IMPDH1: variants seen among roughly 807,000 people sequenced by gnomAD.
IMPDH1 encodes inosine monophosphate dehydrogenase 1.
A neutral mutation model predicts 73.5 loss-of-function variants in IMPDH1; 41 were observed. The observed-to-expected ratio is 0.56, with a 90% CI of 0.43 to 0.72. IMPDH1 has a LOEUF of 0.72. IMPDH1 is among the 30% of genes least tolerant of loss of function. IMPDH1 has a pLI of 0.00. For missense variants in IMPDH1, 645 were observed against 824.8 expected (o/e 0.78, Z 2.67); for synonymous variants, 318 against 334.3 (o/e 0.95, Z 0.53).
At chr7:128,408,862 C>G (rs1474227967) in intron 3 of IMPDH1, among the ~76,000 whole-genome samples, 1 of 152,152 alleles carries the variant, frequency 6.6e-6, no homozygotes, top group Non-Finnish European at 1.5e-5. Flanking sequence ...GACAGGGGGG[C>G]CTAACTCAGC....
rs1797765235 is a variant in IMPDH1 at position 128,394,473 on chromosome 7, G to T, written c.1677C>A (p.Arg559=). The change falls in exon 15 of 17, where the codon CGC becomes CGA. Residue 559 remains arginine, a synonymous_variant. Transcript: ENST00000338791. The surrounding 1 kb of genome is among the most constrained non-coding windows in gnomAD (Gnocchi z 5.5). Reference sequence around the variant, plus strand: ...GCACTCACCGAAGGACAGACAGGCTGCGGGCCCCGATATCCTGGCAGCCGT... The same window carrying T: ...GCACTCACCGAAGGACAGACAGGCTTCGGGCCCCGATATCCTGGCAGCCGT... ...IQHGCQDIGA[R]SLSVLRSMMY... 2.5e-6 allele frequency: 4 copies of T among 1,614,088 alleles called. No homozygotes were observed. Among genetic ancestry groups the T allele is most frequent in the African/African-American group, 1.3e-5 (1 of 75,056 alleles).
rs538853489 is a variant in IMPDH1 at position 128,398,858 on chromosome 7, G to A, written c.875-245C>T. 7.9e-5 allele frequency among the ~76,000 whole-genome samples: 12 copies of A among 152,280 alleles called. No individual in the cohort carries two copies. Among genetic ancestry groups the A allele is most frequent in the South Asian group, 6.2e-4 (3 of 4,828 alleles). Reference sequence around the variant, plus strand: ...TGGGGGTCTGTGGATGGGCATCCCCGTGGCCTGGGATGGGCAGCCCGAGCA... The same window carrying A: ...TGGGGGTCTGTGGATGGGCATCCCCATGGCCTGGGATGGGCAGCCCGAGCA... On this transcript the variant is annotated intron_variant, in intron 9 of 16. Transcript: ENST00000338791. This position sits in a 1 kb window ranked among gnomAD's most constrained non-coding sequence, Gnocchi z 4.3.
In IMPDH1 at chr7:128,396,878, G is replaced by T. The variant is rs892765704; in HGVS notation, c.1165+54C>A. On this transcript the variant is annotated intron_variant, in intron 11 of 16. Coordinates refer to ENST00000338791, the MANE Select transcript of IMPDH1 (RefSeq NM_000883.4). This position sits in a 1 kb window ranked among gnomAD's most constrained non-coding sequence, Gnocchi z 4.0. ...CTAGGGATGCTGAAGGACAGAAAAG[G>T]GTTACTCATTGGAGGGGCAGGAGCA... The T allele has an allele frequency of 1.3e-5, 17 of 1,338,106 alleles. No homozygotes were observed. The highest frequency in any genetic ancestry group is 7.2e-5 in the African/African-American group (5 of 69,410). 82.9% of individuals were successfully genotyped at this position (1,338,106 alleles called of 1,614,324 possible).
rs1797924950 is a variant in IMPDH1 at position 128,396,528 on chromosome 7, C to CT, written c.1261+71dup. 2 of 1,165,552 alleles carry CT rather than the reference C, an allele frequency of 1.7e-6. No individual in the cohort carries two copies. Among genetic ancestry groups the CT allele is most frequent in the East Asian group, 2.6e-5 (1 of 39,148 alleles). The allele number at this position is 1,165,552 out of a possible 1,614,324, so 72.2% of individuals were successfully genotyped here. A position where few individuals can be genotyped will look rare whatever the true frequency, so the allele number is the denominator to read the frequency against. The stretch of plus-strand genomic sequence containing the variant: ...AGAACAGGGCCTGGCAGAGAGAGTA[C>CT]TTGATATACATCTGGGGAACAAAGG... On this transcript the variant is annotated intron_variant, in intron 12 of 16. Transcript: ENST00000338791. This position sits in a 1 kb window ranked among gnomAD's most constrained non-coding sequence, Gnocchi z 4.0.
Position 128,400,513 on chromosome 7 carries a change from G to A in IMPDH1, c.606C>T (p.Asp202=), listed in dbSNP as rs1289277904. The part of the protein sequence containing the change: ...VKKFEQGFIT[D]PVVLSPSHTV... ...TGTGCGAGGGGCTCAGCACCACAGG[G>A]TCCGTGATGAAGCCCTGTTCAAACT... is the stretch of plus-strand genomic sequence containing the variant. Residue 202 remains aspartate, a synonymous_variant, in exon 8 of 17, where the codon GAC becomes GAT. Transcript: ENST00000338791. The A allele has an allele frequency of 6.2e-7, 1 of 1,612,900 alleles. No individual in the cohort carries two copies. The highest frequency in any genetic ancestry group is 1.3e-5 in the African/African-American group (1 of 75,052).
intron 5 of IMPDH1, among the ~76,000 whole-genome samples, chr7:128,401,739 G>A (rs1798352755): frequency 1.3e-5 from 2 of 152,180 alleles, no homozygotes; most frequent in South Asian, 2.1e-4. Flanking sequence ...GTGGGGGTAG[G>A]CATGGAAAAG....
At position 128,395,417 on chromosome 7, in the gene IMPDH1, C is replaced by T. The variant is rs551578165; in HGVS notation, c.1262-143G>A. Reference sequence around the variant, plus strand: ...GCTGGATGGTGTGTCTGAGGCATAACATAGGTGCTGGCAAATACCACCAGG... The same window carrying T: ...GCTGGATGGTGTGTCTGAGGCATAATATAGGTGCTGGCAAATACCACCAGG... On this transcript the variant is annotated intron_variant, in intron 12 of 16. Transcript: ENST00000338791. The T allele has an allele frequency of 8.8e-5, 87 of 987,394 alleles. No homozygotes were observed. The South Asian group carries it at 1.2e-3, about 14-fold the overall frequency. 61.2% of individuals were successfully genotyped at this position (987,394 alleles called of 1,614,324 possible). A position where few individuals can be genotyped will look rare whatever the true frequency, so the allele number is the denominator to read the frequency against.
chr7:128,401,057 G>A lies in IMPDH1; in HGVS notation c.462C>T (p.Pro154=), dbSNP rs761151140. Residue 154 remains proline, a synonymous_variant, in exon 6 of 17, where the codon CCC becomes CCT. Transcript: ENST00000338791. ...TGTCAGCCTCTGTCACAGTGTCCAT[G>A]GGGGAGGAGATCAGTGGCGTCTTCA... ...ITLKTPLISS[P]MDTVTEADMA... The A allele has an allele frequency of 1.2e-6, 2 of 1,614,116 alleles. No homozygotes were observed. Among genetic ancestry groups the A allele is most frequent in the Admixed American group, 1.7e-5 (1 of 60,024 alleles).
chr7:128,392,964 C>T lies in IMPDH1; in HGVS notation c.*43G>A, dbSNP rs1206603121. 6.2e-7 allele frequency: 1 copy of T among 1,608,240 alleles called. No homozygotes were observed. The highest frequency in any genetic ancestry group is 1.1e-5 in the South Asian group (1 of 90,968). ...GGGAGGCTGTGCCCAAAAGTGGACA[C>T]TGGGGTGCATCCCCTCCACCACCTC... On this transcript the variant is annotated 3_prime_UTR_variant, in exon 17 of 17. Coordinates refer to ENST00000338791, the MANE Select transcript of IMPDH1 (RefSeq NM_000883.4).
chr7:128,400,300 C>T, intron 8 of IMPDH1, 33 bp downstream of exon 8: 1 of 1,609,950 alleles, frequency 6.2e-7, no homozygotes. Context: ...GTCCTCTCTA[C>T]ACCCAGCCCT....
Position 128,392,784 on chromosome 7 carries a change from G to T in IMPDH1, c.*223C>A, listed in dbSNP as rs543042380. 6.4e-5 allele frequency: 36 copies of T among 561,468 alleles called. No homozygotes were observed. Among genetic ancestry groups the T allele is most frequent in the Non-Finnish European group, 8.0e-5 (25 of 313,520 alleles). 34.8% of individuals were successfully genotyped at this position (561,468 alleles called of 1,614,324 possible). On this transcript the variant is annotated 3_prime_UTR_variant, in exon 17 of 17. Coordinates refer to ENST00000338791, the MANE Select transcript of IMPDH1 (RefSeq NM_000883.4). ...AGAGCCTGGCTGGCTGGGCTCGGAG[G>T]GGGGCTCCCAGGGCAGCCTGGCCCC...
rs371548060 is a variant in IMPDH1, at chr7:128,400,158, C to A, written c.811G>T (p.Val271Leu). The change falls in exon 9 of 17, where the codon GTG becomes TTG. Residue 271 changes from valine (V) to leucine (L), a missense_variant. Val to Leu is a conservative substitution (Grantham distance 32). This residue lies in a region of IMPDH1 where 459 missense variants were observed against 638.2 expected (regional missense o/e 0.72). Coordinates refer to ENST00000338791, the MANE Select transcript of IMPDH1 (RefSeq NM_000883.4). ...SEVMTPRIEL[V>L]VAPAGVTLKE... is the part of the protein sequence containing the mutation. ...AACGTCACACCTGCTGGAGCCACCA[C>A]CAGTTCAATCCTTGGCGTCATCACC... 1.9e-6 allele frequency: 3 copies of A among 1,614,012 alleles called. No homozygotes were observed. In the South Asian group the frequency reaches 3.3e-5, roughly 18 times the overall value.
At chr7:128,397,762 G>C (rs1006006612) in intron 10 of IMPDH1, among the ~76,000 whole-genome samples, 3 of 151,960 alleles carry the variant, frequency 2.0e-5, no homozygotes, top group African/African-American at 7.3e-5. Context: ...GATTCAGTGG[G>C]TACATGTGCT....
chr7:128,408,466 G>T (rs1033683303), intron 3 of IMPDH1, among the ~76,000 whole-genome samples: 1 of 152,044 alleles, frequency 6.6e-6, no homozygotes, highest in Admixed American at 6.6e-5. Context: ...ACAGCTCCAG[G>T]TTGGCGAAGG....
In IMPDH1 at chr7:128,395,229, G is replaced by A. The variant is rs774978402; in HGVS notation, c.1307C>T (p.Ala436Val). 6.2e-7 allele frequency: 1 copy of A among 1,613,832 alleles called. No homozygotes were observed. Among genetic ancestry groups the A allele is most frequent in the Non-Finnish European group, 8.5e-7 (1 of 1,180,036 alleles). The part of the protein sequence containing the change: ...RPQGTAVYKV[A>V]EYARRFGVPI... ...CACACCAAAGCGCCGGGCATACTCA[G>A]CCACCTTGTACACAGCAGTGCCCTG... is the stretch of plus-strand genomic sequence containing the variant. Residue 436 changes from alanine to valine, a missense_variant, in exon 13 of 17, where the codon GCT becomes GTT. Ala to Val is a moderately conservative substitution (Grantham distance 64, BLOSUM62 0). Around this residue, in one of 2 missense-constraint regions of IMPDH1, gnomAD observed 459 missense variants for 638.2 expected, o/e 0.72. Transcript: ENST00000338791.
intron 3 of IMPDH1, among the ~76,000 whole-genome samples, chr7:128,407,379 G>A (rs987342697): frequency 1.5e-4 from 23 of 152,192 alleles, no homozygotes; most frequent in Non-Finnish European, 1.9e-4. Flanking sequence ...CAGAGGGGAG[G>A]CTGGGGCCGG....
Position 128,396,990 on chromosome 7 carries a change from G to A in IMPDH1, c.1107C>T (p.Ile369=), listed in dbSNP as rs200729507. ...DSSQGNSVYQ[I]AMVHYIKQKY... ...TCTGTTTGATGTAATGCACCATGGC[G>A]ATCTGATACACCGAATTCCCTTGGG... is the stretch of plus-strand genomic sequence containing the variant. Residue 369 remains isoleucine (I), a synonymous_variant, in exon 11 of 17, where the codon ATC becomes ATT. Transcript: ENST00000338791. This position sits in a 1 kb window ranked among gnomAD's most constrained non-coding sequence, Gnocchi z 4.0. 119 of 1,613,894 alleles carry A rather than the reference G, an allele frequency of 7.4e-5. No individual in the cohort carries two copies. The highest frequency in any genetic ancestry group is 8.7e-5 in the Non-Finnish European group (103 of 1,179,914).
Position 128,409,298 on chromosome 7 carries a change from C to A in IMPDH1, c.245G>T (p.Arg82Leu), listed in dbSNP as rs1055210445. The A allele has an allele frequency of 9.3e-6, 15 of 1,613,806 alleles. No homozygotes were observed. The highest frequency in any genetic ancestry group is 1.3e-5 in the Non-Finnish European group (15 of 1,179,874). The change falls in exon 3 of 17, where the codon CGC becomes CTC. Residue 82 changes from arginine to leucine, a missense_variant. Arg to Leu is a moderately radical substitution (Grantham distance 102, BLOSUM62 -2). This residue lies in a region of IMPDH1 where 186 missense variants were observed against 186.6 expected (regional missense o/e 1.00). Transcript: ENST00000338791. The part of the protein sequence containing the change: ...AGVGVQMDRL[R>L]RASMADYLIS... ...GGGAGAGTGTCCTCACCTAGCCCTG[C>A]GAAGGCGATCCATCTGGACACCAAC...
At chr7:128,401,928 T>C (rs1798367600) in intron 5 of IMPDH1, among the ~76,000 whole-genome samples, 1 of 152,094 alleles carries the variant, frequency 6.6e-6, no homozygotes, top group South Asian at 2.1e-4. Context: ...TGTGCAGACT[T>C]TGCTATGTAA....
Sources: gnomAD v4.1 joint callset for allele counts (sites outside exome capture counted in the v4.1 genomes callset) on GRCh38, gnomAD v4.1.1 for gene constraint, gnomAD v4.1.1 regional missense constraint, Gnocchi (gnomAD v3.1) non-coding constraint, MANE v1.5 for transcripts, NCBI Gene and HGNC (gene_info 2026-07-23, HGNC 2026-07-21) for gene names.